THSD7B: variants seen among roughly 807,000 people sequenced by gnomAD.
THSD7B encodes thrombospondin type-1 domain-containing protein 7B.
THSD7B carries 138 observed loss-of-function variants against 213.6 expected under a neutral mutation model. The ratio of observed to expected loss-of-function variants is 0.65; its 90% CI spans 0.56 to 0.74. The LOEUF (loss-of-function observed/expected upper bound fraction) is 0.74. THSD7B is among the 30% of genes least tolerant of loss of function. The probability of loss-of-function intolerance (pLI) is 0.00; values close to 1 mark genes in which losing one functional copy is unlikely to be tolerated. For missense variants in THSD7B, 1,931 were observed against 1,991.5 expected, an observed-to-expected ratio of 0.97 and a Z score of 0.58; for synonymous variants, 742 against 687.0, an observed-to-expected ratio of 1.08 and a Z score of -1.25.
In THSD7B at chr2:137,412,619, AAC is replaced by A. The variant is rs1165160786; in HGVS notation, c.2959+749_2959+750del. 2.6e-4 allele frequency among the ~76,000 whole-genome samples: 35 copies of A among 134,008 alleles called. 6 individuals carry two copies. The highest frequency in any genetic ancestry group is 8.8e-4 in the East Asian group (4 of 4,536). 87.9% of individuals were successfully genotyped at this position (134,008 alleles called of 152,430 possible). On this transcript the variant is annotated intron_variant, in intron 14 of 27. Transcript: ENST00000409968. Reference sequence around the variant, plus strand: ...TCTCAAAAAAAAAAAAACAAAAAAAAACAAAAAACAGTTTTACTATATAAAGT... The same window carrying A: ...TCTCAAAAAAAAAAAAACAAAAAAAAAAAAAACAGTTTTACTATATAAAGT...
chr2:137,431,244 G>A (rs1417042879), intron 14 of THSD7B, among the ~76,000 whole-genome samples: 1 of 152,116 alleles, frequency 6.6e-6, no homozygotes, highest in Non-Finnish European at 1.5e-5. Flanking sequence ...CCAGGCTATA[G>A]GTAAATTTAA....
chr2:137,152,904 C>G (rs2104976727), intron 5 of THSD7B, among the ~76,000 whole-genome samples: 1 of 152,274 alleles, frequency 6.6e-6, no homozygotes, highest in Non-Finnish European at 1.5e-5. Context: ...GACCACTTCC[C>G]TATCTCTCAC....
intron 21 of THSD7B, among the ~76,000 whole-genome samples, chr2:137,650,624 C>A (rs928401179): frequency 2.6e-5 from 4 of 152,096 alleles, no homozygotes; most frequent in African/African-American, 7.2e-5. Flanking sequence ...TTATGTTGAA[C>A]AAAAGTGGTA....
chr2:137,451,260 C>A (rs1687645670), intron 15 of THSD7B, among the ~76,000 whole-genome samples: 3 of 151,756 alleles, frequency 2.0e-5, no homozygotes, highest in African/African-American at 7.2e-5. Flanking sequence ...TTTACAAAAT[C>A]AAATCAAATT....
intron 16 of THSD7B, among the ~76,000 whole-genome samples, chr2:137,567,133 CTATTTTATTT>C (rs375165713): frequency 0.065 from 8,927 of 137,604 alleles, 783 homozygotes; most frequent in African/African-American, 0.2. Context: ...GTGACATGCT[CTATTTTATTT>C]TATTTTATTT....
intron 14 of THSD7B, among the ~76,000 whole-genome samples, chr2:137,446,394 A>G (rs1296313357): frequency 6.6e-6 from 1 of 152,052 alleles, no homozygotes; most frequent in Non-Finnish European, 1.5e-5. Flanking sequence ...AGAAATATAG[A>G]CTGAAAAGTC....
intron 1 of THSD7B, among the ~76,000 whole-genome samples, chr2:136,805,641 G>A (rs2104925829): frequency 6.6e-6 from 1 of 152,060 alleles, no homozygotes; most frequent in Middle Eastern, 3.4e-3. Context: ...AACCGTATTG[G>A]CTGCATCTTC....
rs539299514 is a variant in THSD7B at position 137,399,323 on chromosome 2, G to A, written c.2501-6290G>A. ...TTTTCCTCCCTCAGCCCCTTGAATA[G>A]CTGGGATTACAGGTATGCGCAGCCA... On this transcript the variant is annotated intron_variant, in intron 12 of 27. Coordinates refer to ENST00000409968, the MANE Select transcript of THSD7B (RefSeq NM_001316349.2). 4.6e-5 allele frequency among the ~76,000 whole-genome samples: 7 copies of A among 151,890 alleles called. No homozygotes were observed. The East Asian group carries it at 9.7e-4, about 21-fold the overall frequency.
At chr2:137,050,610 A>C (rs940649474) in intron 2 of THSD7B, among the ~76,000 whole-genome samples, 1 of 152,232 alleles carries the variant, frequency 6.6e-6, no homozygotes, top group African/African-American at 2.4e-5. Flanking sequence ...GGAATCATGA[A>C]CTACCTTTAT....
intron 2 of THSD7B, among the ~76,000 whole-genome samples, chr2:136,979,881 T>A (rs1685545085): frequency 6.6e-6 from 1 of 152,174 alleles, no homozygotes; most frequent in Admixed American, 6.5e-5. Flanking sequence ...TTGCATTGAT[T>A]TTTTTTCTCA....
At chr2:137,083,563 T>C (rs1404185067) in intron 3 of THSD7B, among the ~76,000 whole-genome samples, 1 of 152,146 alleles carries the variant, frequency 6.6e-6, no homozygotes, top group Non-Finnish European at 1.5e-5. Context: ...TATATGTTTC[T>C]ATTAGTTTGC....
At chr2:136,943,810 C>T (rs13415615) in intron 2 of THSD7B, among the ~76,000 whole-genome samples, 4,169 of 152,064 alleles carry the variant, frequency 0.027, 192 homozygotes, top group African/African-American at 0.094. Flanking sequence ...CTGTCAATTT[C>T]ATTGATCTTT....
At chr2:136,871,334 C>T (rs1396193483) in intron 1 of THSD7B, among the ~76,000 whole-genome samples, 1 of 152,036 alleles carries the variant, frequency 6.6e-6, no homozygotes, top group Admixed American at 6.5e-5. Flanking sequence ...GTCAGATCAC[C>T]TGGAGAGTGA....
At chr2:137,023,591 T>C (rs13414032) in intron 2 of THSD7B, among the ~76,000 whole-genome samples, 10,824 of 152,258 alleles carry the variant, frequency 0.071, 418 homozygotes, top group East Asian at 0.15. Flanking sequence ...AAGCATTTTG[T>C]GCAGATATCT....
chr2:137,639,038 A>G (rs1682887926), intron 20 of THSD7B, among the ~76,000 whole-genome samples: 1 of 151,900 alleles, frequency 6.6e-6, no homozygotes, highest in African/African-American at 2.4e-5. Flanking sequence ...GAGAAATTCA[A>G]GCCAGCTGCA....
chr2:137,249,711 G>A (rs1342795583), intron 10 of THSD7B, among the ~76,000 whole-genome samples: 1 of 152,182 alleles, frequency 6.6e-6, no homozygotes, highest in African/African-American at 2.4e-5. Context: ...TACCCAGTAT[G>A]TTAGAATCAG....
chr2:137,451,599 A>G (rs1687653964), intron 15 of THSD7B, among the ~76,000 whole-genome samples: 1 of 152,132 alleles, frequency 6.6e-6, no homozygotes, highest in Non-Finnish European at 1.5e-5. Context: ...AAACCATGAT[A>G]GATCCCTTTC....
intron 14 of THSD7B, among the ~76,000 whole-genome samples, chr2:137,417,292 T>G (rs1037163244): frequency 5.9e-5 from 9 of 152,242 alleles, no homozygotes; most frequent in African/African-American, 2.2e-4. Flanking sequence ...AATATTTCTC[T>G]TACAACTCTA....
chr2:137,582,938 T>A (rs568373847), intron 17 of THSD7B, among the ~76,000 whole-genome samples: 2 of 152,298 alleles, frequency 1.3e-5, no homozygotes, highest in East Asian at 3.9e-4. Context: ...ATGGTTAAAT[T>A]AGTTTACACT....
Sources: allele counts gnomAD v4.1 joint callset (sites outside exome capture counted in the v4.1 genomes callset), GRCh38; gene constraint gnomAD v4.1.1; transcripts MANE v1.5; gene names NCBI Gene and HGNC (gene_info 2026-07-23, HGNC 2026-07-21).